The following P3H2 variants were observed in gnomAD, a reference collection of about 807,000 sequenced individuals.
The protein encoded by P3H2 is prolyl 3-hydroxylase 2.
Under a neutral mutation model 87.0 loss-of-function variants are expected in P3H2, and 80 were observed. The observed-to-expected ratio is 0.92, with a 90% confidence interval of 0.77 to 1.11. The LOEUF is 1.11. P3H2 is among the 50% of genes least tolerant of loss of function. The pLI is 0.00. For synonymous variants in P3H2, 367 were observed against 359.3 expected, an observed-to-expected ratio of 1.02 and a Z score of -0.24; for missense variants, 1,001 against 923.9, an observed-to-expected ratio of 1.08 and a Z score of -1.08.
At chr3:190,093,876 G>A (rs546235374) in intron 1 of P3H2, among the ~76,000 whole-genome samples, 9 of 152,040 alleles carry the variant, frequency 5.9e-5, no homozygotes, top group East Asian at 1.9e-4. Context: ...AAGATTATAC[G>A]CTATAAGTTT....
At chr3:190,015,416 T>C (rs1489625990) in intron 1 of P3H2, among the ~76,000 whole-genome samples, 1 of 152,162 alleles carries the variant, frequency 6.6e-6, no homozygotes, top group Admixed American at 6.6e-5. Context: ...CTTCAGTGTA[T>C]AACAAGCCTT....
intron 1 of P3H2, among the ~76,000 whole-genome samples, chr3:190,053,659 T>C (rs1041178701): frequency 1.3e-4 from 20 of 152,040 alleles, no homozygotes; most frequent in Admixed American, 1.3e-3. Context: ...GGTTTCACCA[T>C]GTTGGCCAGG....
At chr3:190,109,778 C>A (rs1273764841) in intron 1 of P3H2, among the ~76,000 whole-genome samples, 1 of 150,876 alleles carries the variant, frequency 6.6e-6, no homozygotes, top group African/African-American at 2.4e-5. Flanking sequence ...CATCAGTGGG[C>A]AAACTGCCTT....
intron 1 of P3H2, among the ~76,000 whole-genome samples, chr3:190,027,059 A>G (rs113766502): frequency 0.011 from 1,677 of 152,324 alleles, 30 homozygotes; most frequent in African/African-American, 0.037. Context: ...TACACATAAC[A>G]ATTTTATAAG....
intron 1 of P3H2, among the ~76,000 whole-genome samples, chr3:190,104,474 T>C (rs929703337): frequency 1.3e-5 from 2 of 152,124 alleles, no homozygotes; most frequent in African/African-American, 4.8e-5. Flanking sequence ...TATTATAAAA[T>C]ATTTAATATT....
At chr3:190,076,767 C>T (rs1350196519) in intron 1 of P3H2, among the ~76,000 whole-genome samples, 4 of 152,180 alleles carry the variant, frequency 2.6e-5, no homozygotes, top group African/African-American at 7.2e-5. Flanking sequence ...CTTCCAAGTC[C>T]AGGTAAGGAC....
chr3:190,053,623 A>T (rs1381950306), intron 1 of P3H2, among the ~76,000 whole-genome samples: 1 of 151,826 alleles, frequency 6.6e-6, no homozygotes, highest in Non-Finnish European at 1.5e-5. Flanking sequence ...ATGCCCGGCT[A>T]ATTTTTGTAT....
At chr3:189,990,262 G>A (rs1238279617) in intron 3 of P3H2, among the ~76,000 whole-genome samples, 2 of 152,132 alleles carry the variant, frequency 1.3e-5, no homozygotes, top group Non-Finnish European at 2.9e-5. Context: ...ATTAACCCCA[G>A]TCAGGGGATG....
At position 190,008,468 on chromosome 3, in the gene P3H2, T is replaced by C. The variant is rs183201662; in HGVS notation, c.481-13026A>G. Reference sequence around the variant, plus strand: ...GTTTAAATGAAGAGACTGGCTTGAATTGAACCACAGCCTAGAAAAATTATA... The same window carrying C: ...GTTTAAATGAAGAGACTGGCTTGAACTGAACCACAGCCTAGAAAAATTATA... On this transcript the variant is annotated intron_variant, in intron 1 of 14. Transcript: ENST00000319332. Among the ~76,000 whole-genome samples the C allele has an allele frequency of 5.3e-5, 8 of 152,262 alleles. No homozygotes were observed. The East Asian group carries it at 1.4e-3, about 26-fold the overall frequency.
chr3:190,049,116 TAGAA>T (rs2108959682), intron 1 of P3H2, among the ~76,000 whole-genome samples: 1 of 152,018 alleles, frequency 6.6e-6, no homozygotes, highest in Admixed American at 6.5e-5. Flanking sequence ...GAAAGAAAAA[TAGAA>T]AGTCAGAAGA....
chr3:190,089,785 TG>T (rs1476624140), intron 1 of P3H2, among the ~76,000 whole-genome samples: 2 of 152,168 alleles, frequency 1.3e-5, no homozygotes, highest in African/African-American at 4.8e-5. Context: ...TAGGACAAGA[TG>T]GGTGTCCAAT....
At chr3:190,049,677 AC>A (rs1256652718) in intron 1 of P3H2, among the ~76,000 whole-genome samples, 3 of 152,144 alleles carry the variant, frequency 2.0e-5, no homozygotes, top group African/African-American at 7.2e-5. Context: ...CTTAAAACCC[AC>A]CCTCGGCTAC....
intron 1 of P3H2, among the ~76,000 whole-genome samples, chr3:190,059,949 CA>C (rs1403647375): frequency 6.6e-6 from 1 of 152,100 alleles, no homozygotes; most frequent in African/African-American, 2.4e-5. Context: ...GGTATAGTTC[CA>C]GTTTAAGGAG....
At position 190,071,978 on chromosome 3, in the gene P3H2, G is replaced by GTTTTTT. The variant is rs60227697; in HGVS notation, c.480+48268_480+48273dup. ...AATGCATATTAAAACAAGATGAAGG[G>GTTTTTT]TTTTTTTTTTTTTTTTTTTTGAGGC... On this transcript the variant is annotated intron_variant, in intron 1 of 14. Coordinates refer to ENST00000319332, the MANE Select transcript of P3H2 (RefSeq NM_018192.4). Among the ~76,000 whole-genome samples, 23 of 119,214 alleles carry GTTTTTT rather than the reference G, an allele frequency of 1.9e-4. 1 individual carries two copies. The highest frequency in any genetic ancestry group is 6.4e-4 in the African/African-American group (19 of 29,592). The allele number at this position is 119,214 out of a possible 152,430, so 78.2% of individuals were successfully genotyped here.
At chr3:190,071,978 G>GTTTTTTTTT (rs60227697) in intron 1 of P3H2, among the ~76,000 whole-genome samples, 1 of 119,244 alleles carries the variant, frequency 8.4e-6, no homozygotes, top group African/African-American at 3.4e-5. Context: ...AAGATGAAGG[G>GTTTTTTTTT]TTTTTTTTTT....
chr3:190,025,889 A>T (rs1443120035), intron 1 of P3H2, among the ~76,000 whole-genome samples: 2 of 152,176 alleles, frequency 1.3e-5, no homozygotes, highest in African/African-American at 4.8e-5. Flanking sequence ...TTGAAAAGCT[A>T]ATTTTAGAAA....
chr3:190,034,270 A>C (rs977597776), intron 1 of P3H2, among the ~76,000 whole-genome samples: 3 of 152,106 alleles, frequency 2.0e-5, no homozygotes, highest in Non-Finnish European at 4.4e-5. Flanking sequence ...GTAATGAGAG[A>C]GACACCTAAA....
At chr3:190,082,964 C>T (rs1727092636) in intron 1 of P3H2, among the ~76,000 whole-genome samples, 1 of 152,084 alleles carries the variant, frequency 6.6e-6, no homozygotes, top group African/African-American at 2.4e-5. Context: ...GACAAAGGAA[C>T]ATAATACTCC....
At position 189,986,590 on chromosome 3, in the gene P3H2, A is replaced by AAAAT. The variant is rs569382938; in HGVS notation, c.1188+194_1188+197dup. Reference sequence around the variant, plus strand: ...GGCGACAAGAGCGAGACTCCATCTCAAAATAAATAAATAAATAAATAGATA... The same window carrying AAAAT: ...GGCGACAAGAGCGAGACTCCATCTCAAAATAAATAAATAAATAAATAAATAGATA... On this transcript the variant is annotated intron_variant, in intron 6 of 14. Coordinates refer to ENST00000319332, the MANE Select transcript of P3H2 (RefSeq NM_018192.4). Among the ~76,000 whole-genome samples the AAAAT allele has an allele frequency of 3.5e-4, 54 of 152,248 alleles. No homozygotes were observed. The East Asian group carries it at 5.4e-3, about 15-fold the overall frequency.
Sources: allele counts gnomAD v4.1 joint callset (sites outside exome capture counted in the v4.1 genomes callset), GRCh38; gene constraint gnomAD v4.1.1; transcripts MANE v1.5; gene names NCBI Gene and HGNC (gene_info 2026-07-23, HGNC 2026-07-21).